Variants in GNAQ observed in about 807,000 individuals in gnomAD.
GNAQ encodes G protein subunit alpha q, also known as guanine nucleotide-binding protein G(q) subunit alpha.
Under a neutral mutation model 43.9 loss-of-function variants are expected in GNAQ, and 8 were observed. The ratio of observed to expected loss-of-function variants is 0.18; its 90% CI spans 0.11 to 0.33. The LOEUF is 0.33. Ranked by LOEUF, GNAQ falls within the 10% of genes least tolerant of loss-of-function variation. The pLI, the probability that GNAQ is intolerant of heterozygous loss-of-function variation, is 1.00. For synonymous variants in GNAQ, 155 were observed against 170.7 expected, an observed-to-expected ratio of 0.91 and a Z score of 0.71; for missense variants, 158 against 450.8, an observed-to-expected ratio of 0.35 and a Z score of 5.88.
intron 2 of GNAQ, among the ~76,000 whole-genome samples, chr9:77,827,001 T>A (rs1055992696): frequency 1.3e-5 from 2 of 152,224 alleles, no homozygotes; most frequent in Admixed American, 1.3e-4. Flanking sequence ...CAGTTTTATA[T>A]CTTAAGAAAA....
intron 1 of GNAQ, among the ~76,000 whole-genome samples, chr9:77,977,297 A>C (rs1823314602): frequency 6.6e-6 from 1 of 152,060 alleles, no homozygotes; most frequent in South Asian, 2.1e-4. Flanking sequence ...CTCCACAACA[A>C]CACAGATTAA....
chr9:77,732,655 C>T (rs140464757), intron 5 of GNAQ, among the ~76,000 whole-genome samples: 7 of 152,272 alleles, frequency 4.6e-5, no homozygotes, highest in East Asian at 3.9e-4. Flanking sequence ...CGTGAGCCAC[C>T]GCACCCGGCA....
rs1177837392 is a variant in GNAQ, at chr9:77,828,374, A to G, written c.322-12604T>C. Among the ~76,000 whole-genome samples the G allele has an allele frequency of 2.0e-5, 3 of 152,164 alleles. No individual in the cohort carries two copies. In the East Asian group the frequency reaches 5.8e-4, roughly 29 times the overall value. On this transcript the variant is annotated intron_variant, in intron 2 of 6. Coordinates refer to ENST00000286548, the MANE Select transcript of GNAQ (RefSeq NM_002072.5). Reference sequence around the variant, plus strand: ...CAGTAGACACTGCACAGGAGGTGCTAACCTATAGATCTGGTGAAGAATGGA... The same window carrying G: ...CAGTAGACACTGCACAGGAGGTGCTGACCTATAGATCTGGTGAAGAATGGA...
chr9:77,757,808 C>T (rs1288859479), intron 5 of GNAQ, among the ~76,000 whole-genome samples: 1 of 152,174 alleles, frequency 6.6e-6, no homozygotes, highest in Admixed American at 6.5e-5. Flanking sequence ...ATTGGTCTTT[C>T]AATTTTCAGC....
chr9:78,014,607 A>C (rs1038914928), intron 1 of GNAQ, among the ~76,000 whole-genome samples: 1 of 152,168 alleles, frequency 6.6e-6, no homozygotes, highest in Non-Finnish European at 1.5e-5. Flanking sequence ...CTCCGTCTCA[A>C]AACAAAACAA....
chr9:77,889,191 G>A lies in GNAQ; in HGVS notation c.321+32970C>T, dbSNP rs1020147559. ...GCACTTTGGGAGGCCAAGGCAGGAAGATTGCTTGAGCTCAGGAATTAGACC... is the reference window on the plus strand; with the variant it reads ...GCACTTTGGGAGGCCAAGGCAGGAAAATTGCTTGAGCTCAGGAATTAGACC... On this transcript the variant is annotated intron_variant, in intron 2 of 6. Coordinates refer to ENST00000286548, the MANE Select transcript of GNAQ (RefSeq NM_002072.5). Among the ~76,000 whole-genome samples, 13 of 151,980 alleles carry A rather than the reference G, an allele frequency of 8.6e-5. 1 individual carries two copies. Among genetic ancestry groups the A allele is most frequent in the Admixed American group, 8.5e-4 (13 of 15,262 alleles).
chr9:78,023,991 C>G (rs1367373932), intron 1 of GNAQ, among the ~76,000 whole-genome samples: 1 of 131,686 alleles, frequency 7.6e-6, no homozygotes, highest in Non-Finnish European at 1.8e-5. Flanking sequence ...CATTTTCGTT[C>G]CCAACTGCAC....
intron 3 of GNAQ, among the ~76,000 whole-genome samples, chr9:77,800,132 A>G (rs1826718961): frequency 6.6e-6 from 1 of 152,086 alleles, no homozygotes; most frequent in South Asian, 2.1e-4. Context: ...GTGGGACTGT[A>G]AACTAGTTCA....
intron 2 of GNAQ, among the ~76,000 whole-genome samples, chr9:77,899,020 G>C (rs1285014881): frequency 6.6e-6 from 1 of 152,080 alleles, no homozygotes; most frequent in Non-Finnish European, 1.5e-5. Flanking sequence ...CTTCCTTATT[G>C]ATAGATATTT....
chr9:77,809,550 A>G (rs1239634660), intron 3 of GNAQ, among the ~76,000 whole-genome samples: 2 of 151,532 alleles, frequency 1.3e-5, no homozygotes, highest in African/African-American at 4.9e-5. Context: ...GCTTTTTATC[A>G]ATAACGAAAA....
intron 1 of GNAQ, among the ~76,000 whole-genome samples, chr9:77,951,736 C>G (rs79783644): frequency 1.3e-5 from 2 of 152,156 alleles, no homozygotes; most frequent in Admixed American, 6.5e-5. Flanking sequence ...CCCAACCTTA[C>G]GATTCTCTCT....
chr9:77,980,189 A>T (rs1003073146), intron 1 of GNAQ, among the ~76,000 whole-genome samples: 5 of 152,144 alleles, frequency 3.3e-5, no homozygotes, highest in African/African-American at 1.2e-4. Flanking sequence ...AACAGGCACA[A>T]TACCACCTCC....
At chr9:77,774,906 C>G (rs1231816053) in intron 5 of GNAQ, among the ~76,000 whole-genome samples, 3 of 151,858 alleles carry the variant, frequency 2.0e-5, no homozygotes. Context: ...AACATAAAAA[C>G]AAAATGACCT....
chr9:77,965,985 C>A (rs1230801886), intron 1 of GNAQ, among the ~76,000 whole-genome samples: 1 of 152,042 alleles, frequency 6.6e-6, no homozygotes, highest in Non-Finnish European at 1.5e-5. Flanking sequence ...ATCCATACAA[C>A]AAAATATGTC....
At chr9:77,966,316 A>G (rs1823166972) in intron 1 of GNAQ, among the ~76,000 whole-genome samples, 1 of 152,160 alleles carries the variant, frequency 6.6e-6, no homozygotes, top group Admixed American at 6.5e-5. Flanking sequence ...CAGCTTACTG[A>G]GTATCAATTA....
intron 1 of GNAQ, among the ~76,000 whole-genome samples, chr9:77,949,570 C>A (rs1564160646): frequency 6.6e-6 from 1 of 152,146 alleles, no homozygotes; most frequent in Non-Finnish European, 1.5e-5. Context: ...GGAACAGCAG[C>A]AGCTGGGGCA....
At chr9:77,954,229 G>A (rs746134288) in intron 1 of GNAQ, among the ~76,000 whole-genome samples, 7 of 152,090 alleles carry the variant, frequency 4.6e-5, no homozygotes, top group African/African-American at 1.7e-4. Context: ...ATGACTATGC[G>A]GTCTGGAATA....
chr9:77,776,655 T>G (rs1049637839), intron 5 of GNAQ, among the ~76,000 whole-genome samples: 7 of 152,150 alleles, frequency 4.6e-5, no homozygotes, highest in African/African-American at 1.7e-4. Context: ...ACTTCAAGAT[T>G]CACTTTCAAT....
chr9:77,728,728 G>C (rs2118219343), intron 5 of GNAQ, 61 bp from the exon 6 acceptor site: 1 of 1,176,458 alleles, frequency 8.5e-7, no homozygotes, highest in Middle Eastern at 2.1e-4. Flanking sequence ...CTTAATTTGT[G>C]AATTGTGTTT....
Sources: allele counts gnomAD v4.1 joint callset (sites outside exome capture counted in the v4.1 genomes callset), GRCh38; gene constraint gnomAD v4.1.1; transcripts MANE v1.5; gene names NCBI Gene and HGNC (gene_info 2026-07-23, HGNC 2026-07-21).